Variants in EGFLAM observed in about 807,000 individuals in gnomAD.
EGFLAM encodes EGF like, fibronectin type III and laminin G domains.
EGFLAM carries 79 observed loss-of-function variants against 113.1 expected under a neutral mutation model. The observed-to-expected ratio is 0.70, with a 90% confidence interval of 0.58 to 0.84. EGFLAM has a LOEUF of 0.84. Among genes scored for constraint, EGFLAM ranks in the 40% least tolerant of loss-of-function variants. EGFLAM has a pLI of 0.00. For synonymous variants in EGFLAM, 504 were observed against 487.6 expected (o/e 1.03, Z -0.44); for missense variants, 1,265 against 1,291.6 (o/e 0.98, Z 0.32).
At position 38,451,448 on chromosome 5, in the gene EGFLAM, C is replaced by A. The variant is rs1206794025; in HGVS notation, c.2677C>A (p.Leu893Ile). 1.9e-6 allele frequency: 3 copies of A among 1,613,974 alleles called. No individual in the cohort carries two copies. The highest frequency in any genetic ancestry group is 1.7e-6 in the Non-Finnish European group (2 of 1,179,976). Residue 893 changes from leucine to isoleucine, a missense_variant, in exon 19 of 22, where the codon CTC (leucine) becomes ATC (isoleucine). Physicochemically the swap from Leu to Ile is conservative, Grantham distance 5 (BLOSUM62 2). Transcript: ENST00000322350. Reference sequence around the variant, plus strand: ...TTCCTTGGGCCTTCGGGATGGAGCCCTCGTGTTCAGGTAACCCCCTCTCCA... The same window carrying A: ...TTCCTTGGGCCTTCGGGATGGAGCCATCGTGTTCAGGTAACCCCCTCTCCA... ...FISLGLRDGA[L>I]VFSYNLGSGV...
At chr5:38,361,212 A>G (rs1443640206) in intron 5 of EGFLAM, among the ~76,000 whole-genome samples, 1 of 151,378 alleles carries the variant, frequency 6.6e-6, no homozygotes, top group East Asian at 1.9e-4. Context: ...CAGCTATTCT[A>G]CCTCCTTACT....
chr5:38,321,792 G>A (rs530645256), intron 1 of EGFLAM, among the ~76,000 whole-genome samples: 3 of 152,282 alleles, frequency 2.0e-5, no homozygotes, highest in South Asian at 2.1e-4. Flanking sequence ...GTGAAGCAGC[G>A]TGACACTCAG....
At chr5:38,312,244 T>A (rs1022793281) in intron 1 of EGFLAM, among the ~76,000 whole-genome samples, 1 of 114,198 alleles carries the variant, frequency 8.8e-6, no homozygotes, top group African/African-American at 4.8e-5. Flanking sequence ...GTATCTCAGA[T>A]TTTTTTTTTT....
At chr5:38,339,928 G>A (rs780417789) in intron 3 of EGFLAM, among the ~76,000 whole-genome samples, 6 of 152,204 alleles carry the variant, frequency 3.9e-5, no homozygotes, top group Admixed American at 1.3e-4. Flanking sequence ...TCTCAAGAAA[G>A]GGTGATGTGT....
At chr5:38,425,680 T>G (rs1243658099) in intron 13 of EGFLAM, among the ~76,000 whole-genome samples, 1 of 152,222 alleles carries the variant, frequency 6.6e-6, no homozygotes, top group Admixed American at 6.5e-5. Context: ...CAAACATATG[T>G]TCATTTCAAG....
At chr5:38,413,340 A>G (rs1029502509) in intron 11 of EGFLAM, among the ~76,000 whole-genome samples, 6 of 151,904 alleles carry the variant, frequency 3.9e-5, no homozygotes, top group African/African-American at 1.2e-4. Context: ...AGAAGCCATT[A>G]TTAGTGTCAA....
At chr5:38,331,544 C>T (rs1048650546) in intron 1 of EGFLAM, among the ~76,000 whole-genome samples, 1 of 152,078 alleles carries the variant, frequency 6.6e-6, no homozygotes, top group African/African-American at 2.4e-5. Context: ...GAAGTTTCCT[C>T]GATGTGGAAA....
intron 1 of EGFLAM, among the ~76,000 whole-genome samples, chr5:38,324,628 GC>G (rs1738830610): frequency 6.6e-6 from 1 of 151,948 alleles, no homozygotes; most frequent in Non-Finnish European, 1.5e-5. Flanking sequence ...AATGGCCCCA[GC>G]CTTTGTGCTG....
At chr5:38,451,818 C>T (rs954012204) in intron 19 of EGFLAM, among the ~76,000 whole-genome samples, 1 of 151,876 alleles carries the variant, frequency 6.6e-6, no homozygotes, top group African/African-American at 2.4e-5. Flanking sequence ...TGGAGAAACC[C>T]CATCTCTACT....
intron 3 of EGFLAM, among the ~76,000 whole-genome samples, chr5:38,348,047 A>C (rs1739518831): frequency 6.9e-6 from 1 of 145,830 alleles, no homozygotes; most frequent in African/African-American, 2.7e-5. Context: ...GGCCTTGGGT[A>C]ATGAGAGAGA....
chr5:38,376,635 C>T (rs1740372026), intron 6 of EGFLAM, among the ~76,000 whole-genome samples: 1 of 152,140 alleles, frequency 6.6e-6, no homozygotes, highest in African/African-American at 2.4e-5. Flanking sequence ...ATCATGCCAC[C>T]AGCCTCCTCC....
At chr5:38,385,736 T>G (rs1740642696) in intron 6 of EGFLAM, among the ~76,000 whole-genome samples, 1 of 152,248 alleles carries the variant, frequency 6.6e-6, no homozygotes, top group African/African-American at 2.4e-5. Context: ...AGTGTGGTCA[T>G]GTCCCATTGA....
At chr5:38,434,453 A>T (rs1174179934) in intron 15 of EGFLAM, among the ~76,000 whole-genome samples, 2 of 152,344 alleles carry the variant, frequency 1.3e-5, no homozygotes, top group Admixed American at 1.3e-4. Flanking sequence ...TGGCTGGGGC[A>T]TATTGTAGTA....
intron 12 of EGFLAM, among the ~76,000 whole-genome samples, chr5:38,419,429 C>G (rs1033184931): frequency 3.3e-5 from 5 of 152,146 alleles, no homozygotes; most frequent in Admixed American, 1.3e-4. Flanking sequence ...TCTCTTTTCC[C>G]TCCATCTCTA....
rs190357824 is a variant in EGFLAM, at chr5:38,359,198, A to G, written c.545+6867A>G. Among the ~76,000 whole-genome samples, 125 of 152,336 alleles carry G rather than the reference A, an allele frequency of 8.2e-4. 1 individual carries two copies. The highest frequency in any genetic ancestry group is 2.8e-3 in the African/African-American group (118 of 41,572). On this transcript the variant is annotated intron_variant, in intron 5 of 21. Coordinates refer to ENST00000322350, the MANE Select transcript of EGFLAM (RefSeq NM_152403.4). ...AACGTTCCTCATCACTGAAGTTCCA[A>G]TCGGGGTGCCATGCCTGTCGTATGC...
At chr5:38,404,064 C>T (rs1741200719) in intron 6 of EGFLAM, among the ~76,000 whole-genome samples, 1 of 152,074 alleles carries the variant, frequency 6.6e-6, no homozygotes, top group Non-Finnish European at 1.5e-5. Flanking sequence ...GTCTCTGGGT[C>T]ATCTGCATCA....
At chr5:38,407,941 G>T in intron 9 of EGFLAM, 36 bp downstream of exon 9, 1 of 1,504,116 alleles carries the variant, frequency 6.6e-7, no homozygotes, top group Non-Finnish European at 9.2e-7. Context: ...GTGCTTTTTG[G>T]ACACTTTAAC....
chr5:38,336,236 T>G (rs542476339), intron 1 of EGFLAM, among the ~76,000 whole-genome samples: 1 of 152,202 alleles, frequency 6.6e-6, no homozygotes, highest in East Asian at 1.9e-4. Flanking sequence ...TTAACATGTA[T>G]GTATATATAC....
intron 6 of EGFLAM, among the ~76,000 whole-genome samples, chr5:38,395,239 C>A (rs1740928725): frequency 8.7e-6 from 1 of 114,702 alleles, no homozygotes; most frequent in South Asian, 2.7e-4. Context: ...CATGCCTAGC[C>A]TTTTTTTTTT....
Sources: gnomAD v4.1 joint callset for allele counts (sites outside exome capture counted in the v4.1 genomes callset) on GRCh38, gnomAD v4.1.1 for gene constraint, MANE v1.5 for transcripts, NCBI Gene and HGNC (gene_info 2026-07-23, HGNC 2026-07-21) for gene names.